CDKL5: variants seen among roughly 807,000 people sequenced by gnomAD.
CDKL5 encodes cyclin-dependent kinase-like 5.
A neutral mutation model predicts 61.7 loss-of-function variants in CDKL5; 8 were observed. The ratio of observed to expected loss-of-function variants is 0.13; its 90% CI spans 0.08 to 0.23. CDKL5 has a LOEUF of 0.23. CDKL5 is among the 10% of genes least tolerant of loss of function. CDKL5 has a pLI of 1.00. For synonymous variants in CDKL5, 275 were observed against 272.3 expected, an observed-to-expected ratio of 1.01 and a Z score of -0.10; for missense variants, 440 against 734.5, an observed-to-expected ratio of 0.60 and a Z score of 4.63.
At chrX:18,541,268 A>G (rs1323481280) in intron 3 of CDKL5, among the ~76,000 whole-genome samples, 2 of 110,880 alleles carry the variant, frequency 1.8e-5, no homozygotes, top group African/African-American at 6.6e-5. Context: ...TTTCAGCTCT[A>G]CTCTGTTTGT....
At chrX:18,535,392 A>G (rs1270828108) in intron 3 of CDKL5, 1 of 112,742 alleles carries the variant, frequency 8.9e-6, no homozygotes, top group African/African-American at 3.2e-5. Context: ...TGAACAGGCA[A>G]TTGGGAGAAC....
chrX:18,620,979 A>G (rs1000570708), intron 16 of CDKL5, among the ~76,000 whole-genome samples: 4 of 111,999 alleles, frequency 3.6e-5, no homozygotes, highest in Non-Finnish European at 7.5e-5. Flanking sequence ...AGCTCAAGCA[A>G]TCTGCCCACT....
intron 9 of CDKL5, among the ~76,000 whole-genome samples, chrX:18,594,221 C>G (rs935154440): frequency 8.9e-6 from 1 of 112,020 alleles, no homozygotes; most frequent in African/African-American, 3.2e-5. Context: ...TGTATGGAAG[C>G]AGACTAGCCC....
chrX:18,481,744 T>C (rs1921588567), intron 1 of CDKL5, among the ~76,000 whole-genome samples: 1 of 110,163 alleles, frequency 9.1e-6, no homozygotes, highest in Non-Finnish European at 1.9e-5. Flanking sequence ...TCATTTTGGT[T>C]ATTTACTTTC....
chrX:18,484,029 T>C (rs1921690007), intron 1 of CDKL5, among the ~76,000 whole-genome samples: 1 of 111,580 alleles, frequency 9.0e-6, no homozygotes, highest in Admixed American at 9.5e-5. Flanking sequence ...AGAAGAATCC[T>C]TTGGTCAAGC....
intron 1 of CDKL5, chrX:18,444,005 T>G (rs1931813612): frequency 9.0e-6 from 1 of 111,357 alleles, no homozygotes; most frequent in Non-Finnish European, 1.9e-5. Flanking sequence ...GAGCTTTTCC[T>G]TGTTTATTTA....
At chrX:18,565,915 A>C (rs1427458677) in intron 4 of CDKL5, among the ~76,000 whole-genome samples, 2 of 111,994 alleles carry the variant, frequency 1.8e-5, no homozygotes, top group Non-Finnish European at 3.8e-5. Context: ...TCCCACTGTG[A>C]TACCATTGGA....
Position 18,632,127 on chromosome X carries a change from A to C in CDKL5, c.*3370A>C. The C allele has an allele frequency of 2.7e-6, 2 of 754,358 alleles. No homozygotes were observed. The highest frequency in any genetic ancestry group is 3.1e-6 in the Non-Finnish European group (2 of 639,128). The allele number at this position is 754,358 out of a possible 1,213,427, so 62.2% of individuals were successfully genotyped here. On this transcript the variant is annotated 3_prime_UTR_variant, in exon 18 of 18. Coordinates refer to ENST00000623535, the MANE Select transcript of CDKL5 (RefSeq NM_001323289.2). The stretch of plus-strand genomic sequence containing the variant: ...TGCCCTACACCATCCCAAGCCCACC[A>C]GTCTGCAGAGCTTGGCTCTGGCCTT...
At chrX:18,449,695 T>C (rs1463499628) in intron 1 of CDKL5, among the ~76,000 whole-genome samples, 1 of 113,134 alleles carries the variant, frequency 8.8e-6, no homozygotes, top group Non-Finnish European at 1.9e-5. Flanking sequence ...ACTAGTAAGA[T>C]TGAACATTTA....
chrX:18,528,889 G>C (rs1024733422), intron 3 of CDKL5, among the ~76,000 whole-genome samples: 5 of 111,282 alleles, frequency 4.5e-5, no homozygotes, highest in Admixed American at 1.9e-4. Flanking sequence ...TCCCACCTCA[G>C]CCTCGCAAAG....
At chrX:18,540,147 T>C (rs1923968853) in intron 3 of CDKL5, among the ~76,000 whole-genome samples, 1 of 109,272 alleles carries the variant, frequency 9.2e-6, no homozygotes, top group African/African-American at 3.4e-5. Flanking sequence ...GGTTATCTTT[T>C]ACTTTCTTGG....
At position 18,577,890 on chromosome X, in the gene CDKL5, A is replaced by G. The variant is rs572422933; in HGVS notation, c.283-1958A>G. ...TCTATGAATTTGTTAATTGAAAAAG[A>G]GAATTCAAATGGAGAATCAAAAAAT... On this transcript the variant is annotated intron_variant, in intron 5 of 17. Coordinates refer to ENST00000623535, the MANE Select transcript of CDKL5 (RefSeq NM_001323289.2). 3.9e-4 allele frequency among the ~76,000 whole-genome samples: 44 copies of G among 112,202 alleles called. No homozygotes were observed. The South Asian group carries it at 0.015, about 38-fold the overall frequency.
chrX:18,614,350 A>G lies in CDKL5; in HGVS notation c.2276+1075A>G, dbSNP rs1294018314. ...TAAGCACAATTTACATCCATTGCCT[A>G]TTTATAAAATGACAGTCTTAATGTT... On this transcript the variant is annotated intron_variant, in intron 15 of 17. Coordinates refer to ENST00000623535, the MANE Select transcript of CDKL5 (RefSeq NM_001323289.2). Among the ~76,000 whole-genome samples the G allele has an allele frequency of 3.5e-5, 4 of 112,746 alleles. No homozygotes were observed. The South Asian group carries it at 1.5e-3, about 41-fold the overall frequency.
chrX:18,431,717 C>A (rs181232765), intron 1 of CDKL5, among the ~76,000 whole-genome samples: 8 of 110,627 alleles, frequency 7.2e-5, no homozygotes, highest in African/African-American at 2.6e-4. Context: ...TTGTTGATTT[C>A]TTTATAACGT....
At chrX:18,616,095 G>A (rs1926705853) in intron 15 of CDKL5, among the ~76,000 whole-genome samples, 1 of 111,215 alleles carries the variant, frequency 9.0e-6, no homozygotes. Flanking sequence ...AGGTTGTCAG[G>A]GCAAGAAATA....
At position 18,498,914 on chromosome X, in the gene CDKL5, C is replaced by T. The variant is rs771239516; in HGVS notation, c.-162-8021C>T. The stretch of plus-strand genomic sequence containing the variant: ...CCTCCTGAGTAGCTGGGACTACAGG[C>T]ACGTGGTCATCACACCTGGCTAAGT... On this transcript the variant is annotated intron_variant, in intron 1 of 17. Transcript: ENST00000623535. Among the ~76,000 whole-genome samples the T allele has an allele frequency of 1.3e-4, 14 of 111,362 alleles. No homozygotes were observed. In the East Asian group the frequency reaches 3.7e-3, roughly 29 times the overall value.
At chrX:18,610,153 C>G (rs1250558442) in intron 14 of CDKL5, among the ~76,000 whole-genome samples, 1 of 97,479 alleles carries the variant, frequency 1.0e-5, no homozygotes, top group Non-Finnish European at 2.0e-5. Context: ...AGGACAAAAT[C>G]TGAATTCTCT....
At chrX:18,597,591 AT>A (rs58993237) in intron 10 of CDKL5, among the ~76,000 whole-genome samples, 717 of 72,788 alleles carry the variant, frequency 9.9e-3, no homozygotes, top group Middle Eastern at 0.02. Flanking sequence ...CTACAGAATG[AT>A]TTTTTTTTTT....
chrX:18,433,341 T>C (rs964970976), intron 1 of CDKL5, among the ~76,000 whole-genome samples: 1 of 110,832 alleles, frequency 9.0e-6, no homozygotes, highest in Non-Finnish European at 1.9e-5. Flanking sequence ...TCACCTGAGG[T>C]CGGGAGTTCG....
Sources: gnomAD v4.1 joint callset for allele counts (sites outside exome capture counted in the v4.1 genomes callset) on GRCh38, gnomAD v4.1.1 for gene constraint, MANE v1.5 for transcripts, NCBI Gene and HGNC (gene_info 2026-07-23, HGNC 2026-07-21) for gene names.